UBE2E2: variants seen among roughly 807,000 people sequenced by gnomAD.
The protein encoded by UBE2E2 is ubiquitin-conjugating enzyme E2 E2.
Under a neutral mutation model 24.7 loss-of-function variants are expected in UBE2E2, and 6 were observed. That is an observed-to-expected ratio of 0.24 (90% CI 0.13 to 0.48). UBE2E2 has a LOEUF of 0.48. Ranked by LOEUF, UBE2E2 falls within the 20% of genes least tolerant of loss-of-function variation. The probability of loss-of-function intolerance (pLI) is 0.99; values close to 1 mark genes in which losing one functional copy is unlikely to be tolerated. For synonymous variants in UBE2E2, 104 were observed against 83.6 expected (o/e 1.24, Z -1.33); for missense variants, 169 against 245.0 (o/e 0.69, Z 2.07).
chr3:23,535,835 A>T (rs907357920), intron 5 of UBE2E2, among the ~76,000 whole-genome samples: 23 of 151,892 alleles, frequency 1.5e-4, no homozygotes, highest in Admixed American at 2.6e-4. Flanking sequence ...GTTAGCCAGG[A>T]TGGTCTCAAT....
intron 3 of UBE2E2, among the ~76,000 whole-genome samples, chr3:23,330,274 A>G (rs1033596587): frequency 1.3e-5 from 2 of 152,246 alleles, no homozygotes; most frequent in Non-Finnish European, 2.9e-5. Context: ...AATACTTTCA[A>G]TTACATGAAC....
intron 3 of UBE2E2, among the ~76,000 whole-genome samples, chr3:23,372,181 C>T (rs1696414689): frequency 6.6e-6 from 1 of 152,130 alleles, no homozygotes; most frequent in Non-Finnish European, 1.5e-5. Context: ...AATGTTTATA[C>T]ATTTTGCTGT....
chr3:23,344,153 G>A lies in UBE2E2; in HGVS notation c.227+126841G>A, dbSNP rs1291605760. Among the ~76,000 whole-genome samples the A allele has an allele frequency of 2.0e-5, 3 of 151,800 alleles. No individual in the cohort carries two copies. In the South Asian group the frequency reaches 6.3e-4, roughly 32 times the overall value. The stretch of plus-strand genomic sequence containing the variant: ...ATTTATCAGGAGTTTACAGATTTGG[G>A]GATGTCTAATCATGTTATTGATTAT... On this transcript the variant is annotated intron_variant, in intron 3 of 5. Transcript: ENST00000396703.
chr3:23,394,395 A>G (rs553813242), intron 3 of UBE2E2, among the ~76,000 whole-genome samples: 11 of 152,324 alleles, frequency 7.2e-5, no homozygotes, highest in African/African-American at 2.4e-4. Flanking sequence ...CATGTTCACC[A>G]TGAGTATGAC....
intron 5 of UBE2E2, among the ~76,000 whole-genome samples, chr3:23,568,968 C>T (rs1403636355): frequency 6.6e-6 from 1 of 151,720 alleles, no homozygotes; most frequent in Non-Finnish European, 1.5e-5. Flanking sequence ...ACCAAGCAAT[C>T]CTACAACTAA....
intron 5 of UBE2E2, among the ~76,000 whole-genome samples, chr3:23,535,378 C>T (rs1205272222): frequency 1.3e-5 from 2 of 152,100 alleles, no homozygotes; most frequent in Non-Finnish European, 1.5e-5. Context: ...GAGATAGTAT[C>T]GAATAGTATC....
Position 23,457,398 on chromosome 3 carries a change from AC to A in UBE2E2, c.228-42207del, listed in dbSNP as rs529448414. On this transcript the variant is annotated intron_variant, in intron 3 of 5. Transcript: ENST00000396703. ...ACAGTGGATACCCAAAAACCCAGGG[AC>A]CCTAAGCTACATTTTGTCTGCACTG... Among the ~76,000 whole-genome samples the A allele has an allele frequency of 2.9e-3, 440 of 152,328 alleles. 3 individuals carry two copies. Among genetic ancestry groups the A allele is most frequent in the Non-Finnish European group, 3.1e-3 (210 of 68,032 alleles).
chr3:23,421,397 AT>A (rs1697793323), intron 3 of UBE2E2, among the ~76,000 whole-genome samples: 1 of 152,220 alleles, frequency 6.6e-6, no homozygotes, highest in African/African-American at 2.4e-5. Flanking sequence ...TGGTGTATGT[AT>A]GTAACATGGA....
At chr3:23,449,019 T>A (rs1030942255) in intron 3 of UBE2E2, among the ~76,000 whole-genome samples, 3 of 152,208 alleles carry the variant, frequency 2.0e-5, no homozygotes, top group African/African-American at 7.2e-5. Flanking sequence ...AGAGTTCTAT[T>A]GAATTGCCCT....
chr3:23,442,068 G>A (rs76951063), intron 3 of UBE2E2, among the ~76,000 whole-genome samples: 126 of 152,104 alleles, frequency 8.3e-4, no homozygotes, highest in Non-Finnish European at 1.5e-3. Flanking sequence ...GACTTATGTG[G>A]CCTGTGTAAT....
At chr3:23,233,801 A>G (rs1183650787) in intron 3 of UBE2E2, among the ~76,000 whole-genome samples, 3 of 152,224 alleles carry the variant, frequency 2.0e-5, no homozygotes, top group Non-Finnish European at 4.4e-5. Flanking sequence ...TTTACTATGT[A>G]GTATAAGGTG....
intron 3 of UBE2E2, among the ~76,000 whole-genome samples, chr3:23,325,506 A>T (rs1694860982): frequency 6.6e-6 from 1 of 152,224 alleles, no homozygotes; most frequent in Non-Finnish European, 1.5e-5. Flanking sequence ...TACAGAAAAC[A>T]TTAGATATAT....
chr3:23,568,045 C>T (rs564611070), intron 5 of UBE2E2, among the ~76,000 whole-genome samples: 4 of 152,310 alleles, frequency 2.6e-5, no homozygotes, highest in South Asian at 4.1e-4. Flanking sequence ...GACAGTCACT[C>T]CTCAGCACAG....
intron 3 of UBE2E2, among the ~76,000 whole-genome samples, chr3:23,299,883 G>A (rs1171317119): frequency 6.6e-6 from 1 of 152,104 alleles, no homozygotes; most frequent in African/African-American, 2.4e-5. Context: ...TGACAGTGGG[G>A]TGTTAAAGTC....
chr3:23,346,521 T>C (rs942500905), intron 3 of UBE2E2, among the ~76,000 whole-genome samples: 3 of 152,218 alleles, frequency 2.0e-5, no homozygotes, highest in Admixed American at 6.5e-5. Flanking sequence ...ATTGGTGACA[T>C]TTTAAAAGCT....
intron 4 of UBE2E2, among the ~76,000 whole-genome samples, chr3:23,502,783 T>C (rs1699751809): frequency 6.6e-6 from 1 of 152,242 alleles, no homozygotes; most frequent in East Asian, 1.9e-4. Flanking sequence ...TATATTTCAG[T>C]ACAATTTTTA....
At chr3:23,426,660 G>A (rs1697935016) in intron 3 of UBE2E2, among the ~76,000 whole-genome samples, 1 of 152,114 alleles carries the variant, frequency 6.6e-6, no homozygotes, top group African/African-American at 2.4e-5. Context: ...CAAAAGTGAA[G>A]AAGAGGTAAG....
At chr3:23,535,624 T>TC (rs1233254862) in intron 5 of UBE2E2, among the ~76,000 whole-genome samples, 1 of 140,362 alleles carries the variant, frequency 7.1e-6, no homozygotes, top group Non-Finnish European at 1.5e-5. Flanking sequence ...CATTCTTTTT[T>TC]TTTTTTTTTT....
intron 3 of UBE2E2, among the ~76,000 whole-genome samples, chr3:23,234,984 A>G (rs1310739385): frequency 6.6e-6 from 1 of 152,202 alleles, no homozygotes; most frequent in African/African-American, 2.4e-5. Flanking sequence ...GAGATAAGCT[A>G]AGATACATTT....
Sources: gnomAD v4.1 joint callset for allele counts (sites outside exome capture counted in the v4.1 genomes callset) on GRCh38, gnomAD v4.1.1 for gene constraint, MANE v1.5 for transcripts, NCBI Gene and HGNC (gene_info 2026-07-23, HGNC 2026-07-21) for gene names.